The following MALRD1 variants were observed in gnomAD, a reference collection of about 807,000 sequenced individuals.
MALRD1 encodes MAM and LDL-receptor class A domain-containing protein 1.
In MALRD1, 247 loss-of-function variants were observed where a neutral mutation model predicts 242.1. The observed-to-expected ratio is 1.02, with a 90% CI of 0.92 to 1.13. The LOEUF (loss-of-function observed/expected upper bound fraction) is 1.13, where lower values mean the gene tolerates loss of function less well. Among genes scored for constraint, MALRD1 ranks in the 50% most tolerant of loss-of-function variants. The probability of loss-of-function intolerance (pLI) is 0.00; values close to 1 mark genes in which losing one functional copy is unlikely to be tolerated. For synonymous variants in MALRD1, 995 were observed against 866.6 expected, an observed-to-expected ratio of 1.15 and a Z score of -2.60; for missense variants, 2,989 against 2,533.1, an observed-to-expected ratio of 1.18 and a Z score of -3.86.
intron 1 of MALRD1, among the ~76,000 whole-genome samples, chr10:19,061,124 G>A (rs1590373121): frequency 6.6e-6 from 1 of 152,190 alleles, no homozygotes; most frequent in Non-Finnish European, 1.5e-5. Context: ...GTCAGAGGGT[G>A]GCGGGTCATC....
chr10:19,241,470 G>T (rs1838770242), intron 18 of MALRD1, among the ~76,000 whole-genome samples: 1 of 151,558 alleles, frequency 6.6e-6, no homozygotes, highest in East Asian at 1.9e-4. Context: ...TTTTGTCTTA[G>T]TTTAGCTAAA....
chr10:19,235,584 G>GAGAGAGAGAGAA (rs1396579371), intron 18 of MALRD1, among the ~76,000 whole-genome samples: 13 of 73,688 alleles, frequency 1.8e-4, no homozygotes, highest in Middle Eastern at 8.9e-3. Flanking sequence ...CCCACAGAGA[G>GAGAGAGAGAGAA]AGAGAGAGAG....
At chr10:19,621,331 AGTCTAAGT>A (rs1169175350) in intron 36 of MALRD1, among the ~76,000 whole-genome samples, 1 of 139,138 alleles carries the variant, frequency 7.2e-6, no homozygotes, top group Non-Finnish European at 1.5e-5. Context: ...AAAATTTTAA[AGTCTAAGT>A]GTAAAAATAT....
At chr10:19,225,707 A>G (rs16915624) in intron 18 of MALRD1, among the ~76,000 whole-genome samples, 12,206 of 152,196 alleles carry the variant, frequency 0.08, 595 homozygotes, top group East Asian at 0.17. Flanking sequence ...TTCTAAAGCC[A>G]TGAAAGCCTA....
At chr10:19,279,431 T>A (rs537405282) in intron 19 of MALRD1, among the ~76,000 whole-genome samples, 33 of 152,314 alleles carry the variant, frequency 2.2e-4, no homozygotes, top group African/African-American at 7.5e-4. Context: ...ATTCCCTGCA[T>A]CTACCACGTG....
At chr10:19,138,157 T>G (rs1429293936) in intron 10 of MALRD1, among the ~76,000 whole-genome samples, 9 of 24,630 alleles carry the variant, frequency 3.7e-4, no homozygotes, top group African/African-American at 9.6e-4. Flanking sequence ...ATCCAGTTAA[T>G]ACTTCAGCTT....
At chr10:19,055,937 C>T (rs968395932) in intron 1 of MALRD1, among the ~76,000 whole-genome samples, 8 of 152,302 alleles carry the variant, frequency 5.3e-5, no homozygotes, top group Admixed American at 3.9e-4. Context: ...CACAAACCCT[C>T]ATGACACACA....
intron 19 of MALRD1, among the ~76,000 whole-genome samples, chr10:19,267,017 C>T (rs1840000441): frequency 6.6e-6 from 1 of 151,900 alleles, no homozygotes; most frequent in Admixed American, 6.6e-5. Flanking sequence ...TTAGAAAGGC[C>T]AGAATTATAT....
At chr10:19,312,402 GTGTA>G (rs1266594949) in intron 21 of MALRD1, among the ~76,000 whole-genome samples, 5 of 110,048 alleles carry the variant, frequency 4.5e-5, no homozygotes, top group African/African-American at 1.4e-4. Context: ...ATATATATAT[GTGTA>G]TATGTGTGTG....
intron 29 of MALRD1, among the ~76,000 whole-genome samples, chr10:19,454,338 C>G (rs1041874578): frequency 6.9e-6 from 1 of 144,800 alleles, no homozygotes; most frequent in African/African-American, 2.6e-5. Flanking sequence ...CAGATATTCC[C>G]TGGAAAATGC....
In MALRD1 at chr10:19,209,570, C is replaced by T. The variant is rs1364825936; in HGVS notation, c.2881C>T (p.Gln961Ter). 5 of 1,550,730 alleles carry T rather than the reference C, an allele frequency of 3.2e-6. No homozygotes were observed. The African/African-American group carries it at 4.1e-5, about 13-fold the overall frequency. Residue 961 changes from glutamine to a stop codon, truncating the protein, a stop_gained, in exon 18 of 40, where the codon CAA becomes TAA. Coordinates refer to ENST00000454679, the MANE Select transcript of MALRD1 (RefSeq NM_001142308.3). LOFTEE classifies it high-confidence loss of function. ...GKRIYRLAIY[Q>*]RIWSDSRGQL... ...GCGCATTTATAGGTTGGCAATCTAC[C>T]AACGAATCTGGAGTGACTCAAGGGG...
At chr10:19,460,375 G>C (rs1835880553) in intron 29 of MALRD1, among the ~76,000 whole-genome samples, 1 of 151,284 alleles carries the variant, frequency 6.6e-6, no homozygotes, top group South Asian at 2.1e-4. Context: ...CAAATATTAA[G>C]CCAGGACTAG....
At chr10:19,602,766 A>T (rs1039380089) in intron 34 of MALRD1, among the ~76,000 whole-genome samples, 4 of 152,078 alleles carry the variant, frequency 2.6e-5, no homozygotes, top group East Asian at 1.9e-4. Flanking sequence ...TTGAGGAATC[A>T]CCACACTGTC....
At chr10:19,701,404 C>G (rs1032527263) in intron 38 of MALRD1, among the ~76,000 whole-genome samples, 5 of 152,076 alleles carry the variant, frequency 3.3e-5, no homozygotes, top group Non-Finnish European at 7.4e-5. Context: ...CATATATTCT[C>G]TTCTGAAAGG....
intron 36 of MALRD1, among the ~76,000 whole-genome samples, chr10:19,688,124 C>T (rs1842670726): frequency 6.6e-6 from 1 of 152,092 alleles, no homozygotes; most frequent in Non-Finnish European, 1.5e-5. Context: ...CACCCGCCAC[C>T]ACACCCAGCT....
Position 19,088,078 on chromosome 10 carries a change from CA to C in MALRD1, c.493del (p.Thr165LeufsTer77). On this transcript the variant is annotated frameshift_variant, in exon 4 of 40. Coordinates refer to ENST00000454679, the MANE Select transcript of MALRD1 (RefSeq NM_001142308.3). LOFTEE classifies it high-confidence loss of function. ...GAGTGGCAAATTAATGGTTGGGCTT[CA>C]AACTGCATGTGGAGGTCCTATTCAG... ...QVSGKLMVGL[Q>X]TACGGPIQHL... The C allele has an allele frequency of 1.6e-6, 2 of 1,233,618 alleles. No individual in the cohort carries two copies. The highest frequency in any genetic ancestry group is 2.0e-6 in the Non-Finnish European group (2 of 987,940). The allele number at this position is 1,233,618 out of a possible 1,614,324, so 76.4% of individuals were successfully genotyped here.
chr10:19,402,269 GCAAGAC>G (rs1195185466), intron 28 of MALRD1, among the ~76,000 whole-genome samples: 2 of 152,118 alleles, frequency 1.3e-5, no homozygotes, highest in Non-Finnish European at 2.9e-5. Flanking sequence ...GGGCAACGTA[GCAAGAC>G]CCCATGATAT....
intron 35 of MALRD1, among the ~76,000 whole-genome samples, chr10:19,612,336 G>A (rs988344534): frequency 9.2e-5 from 14 of 151,788 alleles, no homozygotes; most frequent in African/African-American, 3.4e-4. Context: ...CTCATCTTTG[G>A]CACCTTACTC....
intron 32 of MALRD1, among the ~76,000 whole-genome samples, chr10:19,535,931 G>T (rs980051481): frequency 6.6e-6 from 1 of 152,088 alleles, no homozygotes; most frequent in Non-Finnish European, 1.5e-5. Context: ...ATGTGGCAAA[G>T]AAAATACCTA....
Sources: allele counts gnomAD v4.1 joint callset (sites outside exome capture counted in the v4.1 genomes callset), GRCh38; gene constraint gnomAD v4.1.1; transcripts MANE v1.5; gene names NCBI Gene and HGNC (gene_info 2026-07-23, HGNC 2026-07-21).